LAMA3: variants seen among roughly 807,000 people sequenced by gnomAD.
LAMA3 encodes the protein laminin subunit alpha-3.
Under a neutral mutation model 402.0 loss-of-function variants are expected in LAMA3, and 281 were observed. That is an observed-to-expected ratio of 0.70 (90% CI 0.63 to 0.77). The LOEUF (loss-of-function observed/expected upper bound fraction) is 0.77. LAMA3 is among the 30% of genes least tolerant of loss of function. The pLI, the probability that LAMA3 is intolerant of heterozygous loss-of-function variation, is 0.00. For synonymous variants in LAMA3, 1,431 were observed against 1,558.4 expected (o/e 0.92, Z 1.93); for missense variants, 3,840 against 4,215.5 (o/e 0.91, Z 2.47).
chr18:23,952,495 C>T (rs4800171), intron 73 of LAMA3, among the ~76,000 whole-genome samples: 95,057 of 152,072 alleles, frequency 0.63, 30,992 homozygotes, highest in Middle Eastern at 0.74. Flanking sequence ...AAAAAAGTGG[C>T]CTTTTCTTGG....
intron 39 of LAMA3, among the ~76,000 whole-genome samples, 160 bp from the exon 40 acceptor site, chr18:23,881,776 A>G (rs2064902627): frequency 6.6e-6 from 1 of 152,148 alleles, no homozygotes; most frequent in African/African-American, 2.4e-5. Flanking sequence ...TAACACCAGC[A>G]ATGATTAGAG....
At chr18:23,841,595 T>C (rs1053115550) in intron 27 of LAMA3, among the ~76,000 whole-genome samples, 3 of 152,140 alleles carry the variant, frequency 2.0e-5, no homozygotes, top group Non-Finnish European at 4.4e-5. Flanking sequence ...AAGGGTATAA[T>C]AGGGCTTGAA....
intron 1 of LAMA3, among the ~76,000 whole-genome samples, chr18:23,702,839 T>A (rs2060815762): frequency 6.6e-6 from 1 of 152,222 alleles, no homozygotes; most frequent in Non-Finnish European, 1.5e-5. Flanking sequence ...CTTGGGCTAA[T>A]TCTCAGGTTC....
intron 2 of LAMA3, among the ~76,000 whole-genome samples, chr18:23,730,459 C>T (rs2061374762): frequency 6.6e-6 from 1 of 151,672 alleles, no homozygotes; most frequent in Non-Finnish European, 1.5e-5. Context: ...CCTCTGCCTC[C>T]CGGGCTCAAG....
chr18:23,857,721 TA>T, intron 32 of LAMA3, 122 bp from the exon 33 acceptor site: 1 of 1,212,510 alleles, frequency 8.2e-7, no homozygotes, highest in Non-Finnish European at 1.2e-6. Context: ...CCTTGGACTA[TA>T]AGCAGGCATT....
chr18:23,801,482 A>C (rs1333868815), intron 12 of LAMA3, among the ~76,000 whole-genome samples: 1 of 152,140 alleles, frequency 6.6e-6, no homozygotes, highest in Non-Finnish European at 1.5e-5. Flanking sequence ...TGTTACCTGC[A>C]TTTTAGAGCC....
At position 23,899,019 on chromosome 18, in the gene LAMA3, A is replaced by G; in HGVS notation, c.5790A>G (p.Ala1930=). ...NNNVNRATQS[A]KELDVKIKNV... ...ATGTTAATCGGGCAACACAAAGCGC[A>G]AAAGAACTGGATGTGAAGATTAAAA... is the stretch of plus-strand genomic sequence containing the variant. The change falls in exon 46 of 75, where the codon GCA becomes GCG. Residue 1930 remains alanine (A), a synonymous_variant. Coordinates refer to ENST00000313654, the MANE Select transcript of LAMA3 (RefSeq NM_198129.4). The G allele has an allele frequency of 6.2e-7, 1 of 1,614,112 alleles. No homozygotes were observed. The highest frequency in any genetic ancestry group is 8.5e-7 in the Non-Finnish European group (1 of 1,179,968).
At chr18:23,951,807 C>A in intron 73 of LAMA3, 30 bp downstream of exon 73, 2 of 1,514,450 alleles carry the variant, frequency 1.3e-6, no homozygotes, top group Non-Finnish European at 1.8e-6. Context: ...ATTGTTCATG[C>A]ACTAAAACAG....
chr18:23,774,851 TC>T (rs750943972), intron 9 of LAMA3, among the ~76,000 whole-genome samples: 52 of 152,320 alleles, frequency 3.4e-4, no homozygotes, highest in South Asian at 1.2e-3. Context: ...TTCTTCCACA[TC>T]ATGCTGCAAA....
chr18:23,809,171 C>A (rs1264959374), intron 12 of LAMA3, among the ~76,000 whole-genome samples: 1 of 152,158 alleles, frequency 6.6e-6, no homozygotes, highest in African/African-American at 2.4e-5. Flanking sequence ...TGCTCAATGC[C>A]TTATTGCTGA....
chr18:23,689,496 C>T lies in LAMA3; in HGVS notation c.-188C>T, dbSNP rs1300150349. 2.2e-6 allele frequency: 1 copy of T among 452,774 alleles called. No individual in the cohort carries two copies. 28.0% of individuals were successfully genotyped at this position (452,774 alleles called of 1,614,324 possible). The stretch of plus-strand genomic sequence containing the variant: ...TGCCCGCTCCAGCCGCGGCAGGTTC[C>T]AGAGCTGAGAGGCCACCCCCACGCC... On this transcript the variant is annotated 5_prime_UTR_variant, in exon 1 of 75. Coordinates refer to ENST00000313654, the MANE Select transcript of LAMA3 (RefSeq NM_198129.4).
At chr18:23,953,326 T>TTTTTTTTTTTTG (rs1473087352) in intron 74 of LAMA3, among the ~76,000 whole-genome samples, 3 of 2,692 alleles carry the variant, frequency 1.1e-3, no homozygotes, top group African/African-American at 3.3e-3. Flanking sequence ...TGTAATTTTG[T>TTTTTTTTTTTTG]TTTTTTTTTT....
Position 23,903,948 on chromosome 18 carries a change from G to T in LAMA3, c.6334G>T (p.Ala2112Ser), listed in dbSNP as rs1368443800. ...GAAAAAATAGGAATATGAAAAATTA[G>T]CTGCCAGTTTAAATGAAGCAAGACA... ...EKSQKEYEKL[A>S]ASLNEARQEL... is the part of the protein sequence containing the mutation. Residue 2112 changes from alanine (A) to serine (S), a missense_variant, in exon 50 of 75, where the codon GCT (alanine) becomes TCT (serine). Ala to Ser is a moderately conservative substitution (Grantham distance 99, BLOSUM62 1). Transcript: ENST00000313654. 6.2e-7 allele frequency: 1 copy of T among 1,612,902 alleles called. No homozygotes were observed. Among genetic ancestry groups the T allele is most frequent in the Non-Finnish European group, 8.5e-7 (1 of 1,179,212 alleles).
intron 68 of LAMA3, among the ~76,000 whole-genome samples, chr18:23,941,329 C>T (rs892041870): frequency 7.4e-6 from 1 of 134,842 alleles, no homozygotes; most frequent in East Asian, 2.5e-4. Flanking sequence ...GCTTGGCGCC[C>T]CCCCCCCGCC....
chr18:23,951,602 G>T, intron 72 of LAMA3, 82 bp from the exon 73 acceptor site: 2 of 1,091,300 alleles, frequency 1.8e-6, no homozygotes, highest in African/African-American at 1.5e-5. Flanking sequence ...CAGTTGGCCC[G>T]GTTTGGGGAG....
intron 25 of LAMA3, chr18:23,837,417 C>A (rs1010997249): frequency 2.4e-5 from 6 of 254,254 alleles, no homozygotes; most frequent in African/African-American, 4.6e-5. Context: ...GTTTAGAAAT[C>A]CCATTGCTTA....
chr18:23,719,842 T>C lies in LAMA3; in HGVS notation c.447+5770T>C, dbSNP rs995745724. On this transcript the variant is annotated intron_variant, in intron 2 of 74. Coordinates refer to ENST00000313654, the MANE Select transcript of LAMA3 (RefSeq NM_198129.4). ...CTTGGCTCTACAGATGGTTGGCTGA[T>C]GAGGTCACTAAGGAGGGTGACTCAG... Among the ~76,000 whole-genome samples, 3 of 152,282 alleles carry C rather than the reference T, an allele frequency of 2.0e-5. No individual in the cohort carries two copies. In the East Asian group the frequency reaches 5.8e-4, roughly 29 times the overall value.
At chr18:23,852,435 TTTG>T (rs2144671072) in intron 32 of LAMA3, among the ~76,000 whole-genome samples, 1 of 152,370 alleles carries the variant, frequency 6.6e-6, no homozygotes, top group Admixed American at 6.5e-5. Flanking sequence ...TCTGTTTGTT[TTTG>T]TTATTTTAAT....
chr18:23,811,565 G>T (rs1297158838), intron 13 of LAMA3, among the ~76,000 whole-genome samples: 1 of 152,190 alleles, frequency 6.6e-6, no homozygotes, highest in Non-Finnish European at 1.5e-5. Flanking sequence ...AGAAGGAAGT[G>T]CTGTGGCTGC....
Sources: allele counts gnomAD v4.1 joint callset (sites outside exome capture counted in the v4.1 genomes callset), GRCh38; gene constraint gnomAD v4.1.1; transcripts MANE v1.5; gene names NCBI Gene and HGNC (gene_info 2026-07-23, HGNC 2026-07-21).